Variants in IPMK observed in about 807,000 individuals in gnomAD.
The protein encoded by IPMK is inositol polyphosphate multikinase, also known as inositol 1,3,4,6-tetrakisphosphate 5-kinase.
In IPMK, 17 loss-of-function variants were observed where a neutral mutation model predicts 45.8. The ratio of observed to expected loss-of-function variants is 0.37; its 90% CI spans 0.25 to 0.56. The LOEUF is 0.56. Ranked by LOEUF, IPMK falls within the 20% of genes least tolerant of loss-of-function variation. The pLI is 0.79. For missense variants in IPMK, 399 were observed against 498.0 expected, an observed-to-expected ratio of 0.80 and a Z score of 1.89; for synonymous variants, 180 against 184.3, an observed-to-expected ratio of 0.98 and a Z score of 0.19.
intron 4 of IPMK, among the ~76,000 whole-genome samples, chr10:58,207,643 G>A (rs183265790): frequency 5.3e-5 from 8 of 152,188 alleles, no homozygotes; most frequent in Admixed American, 3.3e-4. Flanking sequence ...GTACTGAAGT[G>A]CCCCACTATT....
At chr10:58,259,355 G>C (rs1839021660) in intron 1 of IPMK, among the ~76,000 whole-genome samples, 1 of 151,872 alleles carries the variant, frequency 6.6e-6, no homozygotes, top group Admixed American at 6.6e-5. Flanking sequence ...AAAGACACAG[G>C]AGCCAGCTTG....
At chr10:58,246,386 C>T (rs1343162938) in intron 1 of IPMK, among the ~76,000 whole-genome samples, 3 of 138,482 alleles carry the variant, frequency 2.2e-5, no homozygotes, top group Non-Finnish European at 4.5e-5. Context: ...AGGCATCACA[C>T]TACCTGACTT....
chr10:58,202,976 T>C (rs2132144514), intron 4 of IPMK, among the ~76,000 whole-genome samples: 1 of 152,350 alleles, frequency 6.6e-6, no homozygotes, highest in East Asian at 1.9e-4. Context: ...TTTGCAAGGC[T>C]ACATACAGCT....
chr10:58,217,155 G>GTTTTT (rs1838255326), intron 3 of IPMK, among the ~76,000 whole-genome samples: 1 of 74,736 alleles, frequency 1.3e-5, no homozygotes, highest in Non-Finnish European at 2.4e-5. Context: ...AGCCCATCTT[G>GTTTTT]CTTTTTTTTT....
chr10:58,231,639 T>TCAC (rs1041295158), intron 2 of IPMK, among the ~76,000 whole-genome samples: 4 of 152,108 alleles, frequency 2.6e-5, no homozygotes, highest in Admixed American at 1.3e-4. Flanking sequence ...AGAGACTCTG[T>TCAC]CACCACCAGG....
intron 2 of IPMK, among the ~76,000 whole-genome samples, chr10:58,237,461 G>A (rs558296791): frequency 6.6e-6 from 1 of 152,294 alleles, no homozygotes; most frequent in East Asian, 1.9e-4. Context: ...ACAAAATGTT[G>A]CCTCACACAG....
intron 4 of IPMK, among the ~76,000 whole-genome samples, chr10:58,208,582 AG>A (rs765570173): frequency 2.4e-4 from 36 of 152,204 alleles, no homozygotes; most frequent in Non-Finnish European, 3.5e-4. Flanking sequence ...TGGTACTTGT[AG>A]GGATAAAGAC....
At chr10:58,221,936 A>G (rs1838343364) in intron 3 of IPMK, among the ~76,000 whole-genome samples, 1 of 152,056 alleles carries the variant, frequency 6.6e-6, no homozygotes, top group Admixed American at 6.6e-5. Context: ...TTTAGTAGAG[A>G]CAGGGTTTCA....
chr10:58,262,748 T>A (rs1023751697), intron 1 of IPMK, among the ~76,000 whole-genome samples: 49 of 152,330 alleles, frequency 3.2e-4, no homozygotes, highest in African/African-American at 1.1e-3. Context: ...GTTCCTTTTT[T>A]AAAAACATTG....
At chr10:58,234,200 T>C (rs964098107) in intron 2 of IPMK, among the ~76,000 whole-genome samples, 1 of 152,176 alleles carries the variant, frequency 6.6e-6, no homozygotes, top group Non-Finnish European at 1.5e-5. Context: ...TCCATGCTCA[T>C]GGACAGGAAG....
intron 4 of IPMK, among the ~76,000 whole-genome samples, chr10:58,200,179 C>T (rs1358539057): frequency 7.9e-5 from 12 of 152,160 alleles, no homozygotes; most frequent in African/African-American, 2.6e-4. Context: ...AGTGCAGTGG[C>T]GTGATCTCAG....
chr10:58,237,571 C>T (rs1367064306), intron 2 of IPMK, among the ~76,000 whole-genome samples, 158 bp downstream of exon 2: 1 of 152,216 alleles, frequency 6.6e-6, no homozygotes, highest in East Asian at 1.9e-4. Flanking sequence ...TAGACTGCAT[C>T]ACATACAGTA....
intron 1 of IPMK, among the ~76,000 whole-genome samples, chr10:58,261,246 C>A (rs2132267831): frequency 6.7e-6 from 1 of 149,800 alleles, no homozygotes; most frequent in East Asian, 2.0e-4. Context: ...GGAAATAAAA[C>A]TTCCATAGAT....
At chr10:58,227,671 T>A (rs1329678722) in intron 2 of IPMK, among the ~76,000 whole-genome samples, 1 of 152,170 alleles carries the variant, frequency 6.6e-6, no homozygotes. Flanking sequence ...TTTGCTTTTA[T>A]CTTTTTTAAA....
At chr10:58,258,182 T>C (rs1179808438) in intron 1 of IPMK, among the ~76,000 whole-genome samples, 3 of 152,032 alleles carry the variant, frequency 2.0e-5, no homozygotes, top group Non-Finnish European at 2.9e-5. Context: ...TGGTGGTGCG[T>C]GCCTGTAATC....
intron 2 of IPMK, among the ~76,000 whole-genome samples, chr10:58,236,754 G>A (rs1288035437): frequency 6.6e-6 from 1 of 151,782 alleles, no homozygotes. Context: ...AAAAAAAACT[G>A]TTTTAAAATT....
At chr10:58,225,598 T>C (rs1305518346) in intron 3 of IPMK, among the ~76,000 whole-genome samples, 1 of 152,194 alleles carries the variant, frequency 6.6e-6, no homozygotes, top group Non-Finnish European at 1.5e-5. Context: ...TTGCTAGTTA[T>C]TCTACTCTTT....
At chr10:58,249,466 G>T (rs940512195) in intron 1 of IPMK, among the ~76,000 whole-genome samples, 3 of 152,144 alleles carry the variant, frequency 2.0e-5, no homozygotes, top group Non-Finnish European at 4.4e-5. Flanking sequence ...TATGATTAGT[G>T]ATGTTGAGCA....
At chr10:58,234,581 A>C (rs1017191254) in intron 2 of IPMK, among the ~76,000 whole-genome samples, 1 of 152,236 alleles carries the variant, frequency 6.6e-6, no homozygotes, top group African/African-American at 2.4e-5. Context: ...TTCCCTATTT[A>C]ATAAATGGTG....
Sources: allele counts gnomAD v4.1 joint callset (sites outside exome capture counted in the v4.1 genomes callset), GRCh38; gene constraint gnomAD v4.1.1; transcripts MANE v1.5; gene names NCBI Gene and HGNC (gene_info 2026-07-23, HGNC 2026-07-21).